FNBP1: variants seen among roughly 807,000 people sequenced by gnomAD.
FNBP1 encodes formin binding protein 1, also known as formin-binding protein 1.
In FNBP1, 26 loss-of-function variants were observed where a neutral mutation model predicts 90.6. The ratio of observed to expected loss-of-function variants is 0.29; its 90% CI spans 0.21 to 0.40. The LOEUF (loss-of-function observed/expected upper bound fraction) is 0.40. Among genes scored for constraint, FNBP1 ranks in the 10% least tolerant of loss-of-function variants. The probability of loss-of-function intolerance (pLI) is 1.00; values close to 1 mark genes in which losing one functional copy is unlikely to be tolerated. For synonymous variants in FNBP1, 260 were observed against 265.2 expected, an observed-to-expected ratio of 0.98 and a Z score of 0.19; for missense variants, 635 against 768.0, an observed-to-expected ratio of 0.83 and a Z score of 2.05.
At chr9:130,011,928 C>G (rs1326724344) in intron 1 of FNBP1, among the ~76,000 whole-genome samples, 1 of 152,044 alleles carries the variant, frequency 6.6e-6, no homozygotes, top group Non-Finnish European at 1.5e-5. Context: ...AATCAAGATG[C>G]AAAGGTCAAT....
chr9:130,024,148 G>C (rs933223623), intron 1 of FNBP1, among the ~76,000 whole-genome samples: 1 of 152,056 alleles, frequency 6.6e-6, no homozygotes, highest in Admixed American at 6.6e-5. Context: ...GCTCATGCCT[G>C]TAAGTAATCC....
intron 6 of FNBP1, among the ~76,000 whole-genome samples, chr9:129,940,857 C>T (rs2132320816): frequency 6.6e-6 from 1 of 151,982 alleles, no homozygotes; most frequent in African/African-American, 2.4e-5. Context: ...AATCTCTTGA[C>T]CTCGTGATCT....
chr9:129,974,197 C>T (rs1588999149), intron 4 of FNBP1, among the ~76,000 whole-genome samples: 1 of 151,756 alleles, frequency 6.6e-6, no homozygotes, highest in Non-Finnish European at 1.5e-5. Context: ...GAAGGTATGT[C>T]GAAAAAAACT....
chr9:130,030,701 C>T (rs1355175077), intron 1 of FNBP1, among the ~76,000 whole-genome samples: 12 of 152,230 alleles, frequency 7.9e-5, no homozygotes, highest in African/African-American at 2.9e-4. Flanking sequence ...GCCTACAGGG[C>T]GAGAACGTAC....
chr9:129,978,510 C>T lies in FNBP1; in HGVS notation c.300G>A (p.Val100=). The change falls in exon 4 of 17, where the codon GTG becomes GTA. Residue 100 remains valine, a synonymous_variant. Coordinates refer to ENST00000446176, the MANE Select transcript of FNBP1 (RefSeq NM_015033.3). ...ISENMASQII[V]DLARYVQELK... is the part of the protein sequence containing the mutation. Reference sequence around the variant, plus strand: ...GTTCCTGAACATAGCGTGCCAAGTCCACAATGATCTGTGATGCCATGTTCT... The same window carrying T: ...GTTCCTGAACATAGCGTGCCAAGTCTACAATGATCTGTGATGCCATGTTCT... 1 of 1,613,670 alleles carries T rather than the reference C, an allele frequency of 6.2e-7. No homozygotes were observed. The highest frequency in any genetic ancestry group is 1.3e-5 in the African/African-American group (1 of 74,994).
At chr9:129,990,119 A>G (rs1238463255) in intron 2 of FNBP1, among the ~76,000 whole-genome samples, 1 of 152,164 alleles carries the variant, frequency 6.6e-6, no homozygotes, top group African/African-American at 2.4e-5. Flanking sequence ...ATTAAGTTTG[A>G]GTAGTAATGC....
At chr9:129,970,394 C>T (rs181124886) in intron 4 of FNBP1, among the ~76,000 whole-genome samples, 50 of 151,948 alleles carry the variant, frequency 3.3e-4, no homozygotes, top group Admixed American at 3.9e-4. Flanking sequence ...TTAGTGGAGA[C>T]GGGGTTTCAC....
chr9:129,926,891 G>GAAAAAA (rs796179806), intron 8 of FNBP1, among the ~76,000 whole-genome samples: 14 of 88,518 alleles, frequency 1.6e-4, no homozygotes, highest in African/African-American at 2.6e-4. Flanking sequence ...ATCTCAAAAA[G>GAAAAAA]AAAAAAAAAA....
At chr9:129,975,574 T>C (rs1245930656) in intron 4 of FNBP1, among the ~76,000 whole-genome samples, 1 of 151,556 alleles carries the variant, frequency 6.6e-6, no homozygotes, top group African/African-American at 2.4e-5. Context: ...TAACAGTGAG[T>C]AAATAAAATA....
the FNBP1 span, among the ~76,000 whole-genome samples, chr9:130,051,526 A>T: frequency 7.2e-5 from 11 of 152,198 alleles, no homozygotes; most frequent in Non-Finnish European, 1.5e-4. Flanking sequence ...GAAAAGTTAG[A>T]GAAAATAGTC....
At chr9:130,038,303 A>T (rs554851850) in intron 1 of FNBP1, among the ~76,000 whole-genome samples, 1 of 144,336 alleles carries the variant, frequency 6.9e-6, no homozygotes, top group African/African-American at 2.5e-5. Flanking sequence ...TGCAGTGAGC[A>T]GAGATCGTGC....
chr9:129,896,885 C>A (rs1301910952), intron 15 of FNBP1, among the ~76,000 whole-genome samples: 1 of 152,252 alleles, frequency 6.6e-6, no homozygotes, highest in African/African-American at 2.4e-5. Context: ...CCCGCCTCGG[C>A]CTCCCAAAGC....
upstream of FNBP1, chr9:130,043,278 G>C: frequency 4.3e-6 from 1 of 233,990 alleles, no homozygotes; most frequent in Non-Finnish European, 8.2e-6. Context: ...GCTCGCGCAC[G>C]CGCGCCCGCC....
In FNBP1 at chr9:129,965,323, C is replaced by T. The variant is rs76793488; in HGVS notation, c.346-6770G>A. On this transcript the variant is annotated intron_variant, in intron 4 of 16. Transcript: ENST00000446176. The stretch of plus-strand genomic sequence containing the variant: ...ATAGTAAAAATACCTTCTTAATGAA[C>T]GTGTTCGAAGTTTTCTAAATGCCTA... Among the ~76,000 whole-genome samples, 18 of 152,252 alleles carry T rather than the reference C, an allele frequency of 1.2e-4. No homozygotes were observed. The East Asian group carries it at 1.9e-3, about 16-fold the overall frequency.
intron 4 of FNBP1, 26 bp downstream of exon 4, chr9:129,978,439 A>G (rs745793613): frequency 1.1e-5 from 17 of 1,598,288 alleles, no homozygotes; most frequent in Non-Finnish European, 1.4e-5. Context: ...ATCTTTTAGG[A>G]AGAAAAAGAA....
At chr9:129,960,251 C>G (rs2047583062) in intron 4 of FNBP1, among the ~76,000 whole-genome samples, 2 of 151,488 alleles carry the variant, frequency 1.3e-5, no homozygotes, top group African/African-American at 4.9e-5. Flanking sequence ...GTGGCGTGGA[C>G]CTGTAATCTC....
At position 129,890,641 on chromosome 9, in the gene FNBP1, C is replaced by A; in HGVS notation, c.1847-95G>T. On this transcript the variant is annotated intron_variant, in intron 16 of 16. Coordinates refer to ENST00000446176, the MANE Select transcript of FNBP1 (RefSeq NM_015033.3). This position sits in a 1 kb window ranked among gnomAD's most constrained non-coding sequence, Gnocchi z 5.8. ...TTTTGCTCTTGGCTACAAACTGCAC[C>A]GCCCTGGGAGGGGAGGGTAGTGGGA... 2 of 778,412 alleles carry A rather than the reference C, an allele frequency of 2.6e-6. No homozygotes were observed. The highest frequency in any genetic ancestry group is 3.3e-5 in the East Asian group (1 of 30,346). 48.2% of individuals were successfully genotyped at this position (778,412 alleles called of 1,614,324 possible).
intron 1 of FNBP1, among the ~76,000 whole-genome samples, chr9:130,027,428 A>G (rs1285591557): frequency 6.6e-6 from 1 of 152,206 alleles, no homozygotes; most frequent in Non-Finnish European, 1.5e-5. Flanking sequence ...CAATGATTTC[A>G]TTTTATCTTT....
In FNBP1 at chr9:129,890,484, A is replaced by G; in HGVS notation, c.*55T>C. ...CAGGGCGCTGGAGGCCTGTGGGAAC[A>G]AGCAGACGGAGGCTCCTCCAGGAAG... is the stretch of plus-strand genomic sequence containing the variant. On this transcript the variant is annotated 3_prime_UTR_variant, in exon 17 of 17. Coordinates refer to ENST00000446176, the MANE Select transcript of FNBP1 (RefSeq NM_015033.3). This position sits in a 1 kb window ranked among gnomAD's most constrained non-coding sequence, Gnocchi z 5.8. 4 of 1,518,704 alleles carry G rather than the reference A, an allele frequency of 2.6e-6. No individual in the cohort carries two copies. Among genetic ancestry groups the G allele is most frequent in the Non-Finnish European group, 3.6e-6 (4 of 1,111,344 alleles). The allele number at this position is 1,518,704 out of a possible 1,614,324, so 94.1% of individuals were successfully genotyped here.
Sources: gnomAD v4.1 joint callset for allele counts (sites outside exome capture counted in the v4.1 genomes callset) on GRCh38, gnomAD v4.1.1 for gene constraint, Gnocchi (gnomAD v3.1) non-coding constraint, MANE v1.5 for transcripts, NCBI Gene and HGNC (gene_info 2026-07-23, HGNC 2026-07-21) for gene names.